The following NTSR1 variants were observed in gnomAD, a reference collection of about 807,000 sequenced individuals.
The protein encoded by NTSR1 is neurotensin receptor type 1.
NTSR1 carries 29 observed loss-of-function variants against 31.2 expected under a neutral mutation model. That is an observed-to-expected ratio of 0.93 (90% CI 0.69 to 1.27). The LOEUF (loss-of-function observed/expected upper bound fraction) is 1.27, where lower values mean the gene tolerates loss of function less well. Ranked by LOEUF, NTSR1 falls within the 50% of genes most tolerant of loss-of-function variation. NTSR1 has a pLI of 0.00. For missense variants in NTSR1, 697 were observed against 595.4 expected (o/e 1.17, Z -1.78); for synonymous variants, 282 against 269.9 (o/e 1.04, Z -0.44).
At position 62,715,549 on chromosome 20, in the gene NTSR1, T is replaced by A. The variant is rs1988699271; in HGVS notation, c.714+5628T>A. 6.6e-6 allele frequency among the ~76,000 whole-genome samples: 1 copy of A among 152,236 alleles called. No individual in the cohort carries two copies. Among genetic ancestry groups the A allele is most frequent in the Non-Finnish European group, 1.5e-5 (1 of 68,040 alleles). ...AGAGCTGGCCATGGCTGGCTCTGAC[T>A]GGGCTTGGAGTCCTCGAGAGTGACT... On this transcript the variant is annotated intron_variant, in intron 1 of 3. Transcript: ENST00000370501. The surrounding 1 kb of genome is among the most constrained non-coding windows in gnomAD (Gnocchi z 4.7).
intron 1 of NTSR1, among the ~76,000 whole-genome samples, chr20:62,727,068 A>G (rs1272697798): frequency 6.6e-6 from 1 of 152,128 alleles, no homozygotes; most frequent in African/African-American, 2.4e-5. Context: ...ACCTGTTTTC[A>G]TTGGTTCCAA....
chr20:62,726,043 C>T (rs1391477712), intron 1 of NTSR1, among the ~76,000 whole-genome samples: 1 of 152,216 alleles, frequency 6.6e-6, no homozygotes, highest in Non-Finnish European at 1.5e-5. Context: ...TCGGGGGCAG[C>T]ATTTGGGGTA....
At chr20:62,723,074 C>CT (rs1444972336) in intron 1 of NTSR1, among the ~76,000 whole-genome samples, 1 of 152,208 alleles carries the variant, frequency 6.6e-6, no homozygotes, top group African/African-American at 2.4e-5. Context: ...AGCCTGTTGT[C>CT]TGTGAAAAGG....
At chr20:62,725,231 G>A (rs1180888573) in intron 1 of NTSR1, among the ~76,000 whole-genome samples, 1 of 152,224 alleles carries the variant, frequency 6.6e-6, no homozygotes, top group Non-Finnish European at 1.5e-5. Context: ...CCAGCCCCCA[G>A]CCCCAGCTCA....
At chr20:62,710,052 G>A (rs543638930) in intron 1 of NTSR1, 131 bp downstream of exon 1, 283 of 805,778 alleles carry the variant, frequency 3.5e-4, no homozygotes, top group Non-Finnish European at 4.4e-4. Context: ...CTGGGAAGGC[G>A]GTTGGGGCAG....
intron 1 of NTSR1, among the ~76,000 whole-genome samples, chr20:62,750,288 G>A (rs76094622): frequency 0.073 from 11,157 of 152,282 alleles, 464 homozygotes; most frequent in African/African-American, 0.11. Flanking sequence ...TGAGTGCTGG[G>A]GGAGGGGAAC....
intron 1 of NTSR1, among the ~76,000 whole-genome samples, chr20:62,747,163 C>T (rs952149000): frequency 6.6e-6 from 1 of 152,228 alleles, no homozygotes; most frequent in African/African-American, 2.4e-5. Flanking sequence ...TCATTTGATA[C>T]AGAAAAAGCA....
Position 62,760,514 on chromosome 20 carries a change from G to A in NTSR1, c.*247G>A, listed in dbSNP as rs375627840. ...TCTTTGAAAGCCAGAACAAGAGAGC[G>A]CTCCTCTCCCAGATAGGAAAAGGGC... is the stretch of plus-strand genomic sequence containing the variant. On this transcript the variant is annotated 3_prime_UTR_variant, in exon 4 of 4. Transcript: ENST00000370501. 7.5e-5 allele frequency: 35 copies of A among 464,910 alleles called. No individual in the cohort carries two copies. Among genetic ancestry groups the A allele is most frequent in the African/African-American group, 3.5e-4 (18 of 51,350 alleles). The allele number at this position is 464,910 out of a possible 1,614,324, so 28.8% of individuals were successfully genotyped here. A position where few individuals can be genotyped will look rare whatever the true frequency, so the allele number is the denominator to read the frequency against.
chr20:62,759,698 C>T (rs545578217), intron 3 of NTSR1, among the ~76,000 whole-genome samples: 2 of 151,492 alleles, frequency 1.3e-5, no homozygotes, highest in South Asian at 2.1e-4. Flanking sequence ...TGGTGTGAAC[C>T]CGGGAGGTGG....
chr20:62,739,553 G>A (rs1326271264), intron 1 of NTSR1, among the ~76,000 whole-genome samples: 2 of 152,214 alleles, frequency 1.3e-5, no homozygotes, highest in Non-Finnish European at 2.9e-5. Context: ...GGCCGCCCCC[G>A]GCCTTCCTCT....
rs761144124 is a variant in NTSR1 at position 62,709,373 on chromosome 20, G to A, written c.166G>A (p.Val56Met). The stretch of plus-strand genomic sequence containing the variant: ...GGCGGCACCCAGCAGCGAGCTGGAC[G>A]TGAACACCGACATCTACTCCAAGGT... ...VLAAPSSELD[V>M]NTDIYSKVLV... is the part of the protein sequence containing the mutation. Residue 56 changes from valine (V) to methionine (M), a missense_variant, in exon 1 of 4, where the codon GTG (valine) becomes ATG (methionine). Coordinates refer to ENST00000370501, the MANE Select transcript of NTSR1 (RefSeq NM_002531.3). The A allele has an allele frequency of 1.2e-6, 2 of 1,609,536 alleles. No individual in the cohort carries two copies. The highest frequency in any genetic ancestry group is 1.7e-5 in the Admixed American group (1 of 59,898).
At chr20:62,735,830 AG>A (rs1164378799) in intron 1 of NTSR1, among the ~76,000 whole-genome samples, 1 of 152,170 alleles carries the variant, frequency 6.6e-6, no homozygotes. Flanking sequence ...GGGGCTGTGC[AG>A]GGGGCGGGAG....
At chr20:62,746,502 G>A (rs564768406) in intron 1 of NTSR1, among the ~76,000 whole-genome samples, 2 of 152,284 alleles carry the variant, frequency 1.3e-5, no homozygotes, top group East Asian at 1.9e-4. Context: ...GTTTGTGGGA[G>A]GGAGGAAGGG....
At chr20:62,712,968 G>A (rs1393241230) in intron 1 of NTSR1, among the ~76,000 whole-genome samples, 1 of 152,218 alleles carries the variant, frequency 6.6e-6, no homozygotes, top group Admixed American at 6.5e-5. Context: ...GCACACATGT[G>A]TGTGTCCAGG....
At chr20:62,710,601 G>A (rs1319336615) in intron 1 of NTSR1, among the ~76,000 whole-genome samples, 1 of 152,104 alleles carries the variant, frequency 6.6e-6, no homozygotes, top group Non-Finnish European at 1.5e-5. Flanking sequence ...TGGCGGCGGT[G>A]TTGTGGTGAG....
In NTSR1 at chr20:62,711,738, G is replaced by A. The variant is rs372632082; in HGVS notation, c.714+1817G>A. On this transcript the variant is annotated intron_variant, in intron 1 of 3. Transcript: ENST00000370501. This position sits in a 1 kb window ranked among gnomAD's most constrained non-coding sequence, Gnocchi z 6.4. The stretch of plus-strand genomic sequence containing the variant: ...CCGCCCCCCGGAAAGTGTCCTCCCC[G>A]CGTGCGTGGGCTCTCTGCCAGGTAC... 1.6e-4 allele frequency among the ~76,000 whole-genome samples: 24 copies of A among 152,164 alleles called. No individual in the cohort carries two copies. The highest frequency in any genetic ancestry group is 5.5e-4 in the African/African-American group (23 of 41,448).
At position 62,729,135 on chromosome 20, in the gene NTSR1, T is replaced by C. The variant is rs540781470; in HGVS notation, c.714+19214T>C. On this transcript the variant is annotated intron_variant, in intron 1 of 3. Transcript: ENST00000370501. The stretch of plus-strand genomic sequence containing the variant: ...ACACTTACTCACGGCATGTCCCAAA[T>C]GCCTGACACCCACAGATCCACCCAA... 4.6e-5 allele frequency among the ~76,000 whole-genome samples: 7 copies of C among 152,298 alleles called. No individual in the cohort carries two copies. The East Asian group carries it at 5.8e-4, about 13-fold the overall frequency.
intron 1 of NTSR1, among the ~76,000 whole-genome samples, chr20:62,721,999 A>G (rs1021409926): frequency 3.3e-5 from 5 of 152,032 alleles, no homozygotes; most frequent in African/African-American, 7.2e-5. Flanking sequence ...GTCTGTTTCA[A>G]TGGACTCATT....
At chr20:62,737,877 C>T (rs918263630) in intron 1 of NTSR1, among the ~76,000 whole-genome samples, 86 of 151,138 alleles carry the variant, frequency 5.7e-4, no homozygotes, top group African/African-American at 2.1e-3. Flanking sequence ...CCCCACACCC[C>T]TGCACCACCT....
Sources: gnomAD v4.1 joint callset for allele counts (sites outside exome capture counted in the v4.1 genomes callset) on GRCh38, gnomAD v4.1.1 for gene constraint, Gnocchi (gnomAD v3.1) non-coding constraint, MANE v1.5 for transcripts, NCBI Gene and HGNC (gene_info 2026-07-23, HGNC 2026-07-21) for gene names.